Variants in NEDD1 observed in about 807,000 individuals in gnomAD.
NEDD1 encodes NEDD1 gamma-tubulin ring complex targeting factor, also known as protein NEDD1.
NEDD1 carries 33 observed loss-of-function variants against 74.0 expected under a neutral mutation model. The ratio of observed to expected loss-of-function variants is 0.45; its 90% confidence interval spans 0.34 to 0.60. The LOEUF (loss-of-function observed/expected upper bound fraction) is 0.60. Among genes scored for constraint, NEDD1 ranks in the 20% least tolerant of loss-of-function variants. The pLI, the probability that NEDD1 is intolerant of heterozygous loss-of-function variation, is 0.01. For missense variants in NEDD1, 746 were observed against 776.5 expected, an observed-to-expected ratio of 0.96 and a Z score of 0.47; for synonymous variants, 250 against 264.4, an observed-to-expected ratio of 0.95 and a Z score of 0.53.
intron 14 of NEDD1, among the ~76,000 whole-genome samples, chr12:96,946,500 A>T: frequency 6.6e-6 from 1 of 152,188 alleles, no homozygotes; most frequent in East Asian, 1.9e-4. Context: ...TGTTGGAGAA[A>T]ATGTGCAGTT....
chr12:96,937,426 GT>G, intron 9 of NEDD1, 33 bp downstream of exon 9: 2 of 1,282,530 alleles, frequency 1.6e-6, no homozygotes, highest in Non-Finnish European at 2.1e-6. Flanking sequence ...TGGAGGGTTG[GT>G]TTGTTTTTTT....
chr12:96,916,412 C>G (rs11108737), intron 4 of NEDD1, among the ~76,000 whole-genome samples: 2 of 105,064 alleles, frequency 1.9e-5, no homozygotes, highest in East Asian at 3.2e-4. Context: ...CCCCTCCCCC[C>G]TCCCCACCAC....
Position 96,907,772 on chromosome 12 carries a change from T to C in NEDD1, c.-93T>C. 6.6e-7 allele frequency: 1 copy of C among 1,522,542 alleles called. No homozygotes were observed. The allele number at this position is 1,522,542 out of a possible 1,614,324, so 94.3% of individuals were successfully genotyped here. ...CCCAGGCCGACGTTACCGCCTTGTG[T>C]CCTGACTGCTAGCTTTCGACGGGAC... On this transcript the variant is annotated 5_prime_UTR_variant, in exon 2 of 16. Coordinates refer to ENST00000266742, the MANE Select transcript of NEDD1 (RefSeq NM_152905.4).
At chr12:96,932,459 A>ATATATATAT (rs1471701288) in intron 6 of NEDD1, among the ~76,000 whole-genome samples, 8 of 12,066 alleles carry the variant, frequency 6.6e-4, no homozygotes, top group East Asian at 4.8e-3. Context: ...AAAAAAAAAA[A>ATATATATAT]AAAAATATAT....
At chr12:96,934,721 A>G (rs185000933) in intron 6 of NEDD1, among the ~76,000 whole-genome samples, 3 of 152,074 alleles carry the variant, frequency 2.0e-5, no homozygotes, top group Admixed American at 2.0e-4. Context: ...TATTTTTAAT[A>G]AAGATGGGGT....
In NEDD1 at chr12:96,943,615, A is replaced by G. The variant is rs939688831; in HGVS notation, c.1350A>G (p.Val450=). ...NSVFPPRKNP[V]TSSTSVLHSS... Reference sequence around the variant, plus strand: ...TGTTTCCTCCAAGAAAAAATCCAGTAACTTCAAGTACTTCAGTATTGCATT... The same window carrying G: ...TGTTTCCTCCAAGAAAAAATCCAGTGACTTCAAGTACTTCAGTATTGCATT... The change falls in exon 12 of 16, where the codon GTA becomes GTG. Residue 450 remains valine (V), a synonymous_variant. Coordinates refer to ENST00000266742, the MANE Select transcript of NEDD1 (RefSeq NM_152905.4). 42 of 1,613,044 alleles carry G rather than the reference A, an allele frequency of 2.6e-5. No individual in the cohort carries two copies. Among genetic ancestry groups the G allele is most frequent in the Non-Finnish European group, 3.6e-5 (42 of 1,179,232 alleles).
chr12:96,927,396 A>G (rs1042278015), intron 6 of NEDD1, among the ~76,000 whole-genome samples: 6 of 152,200 alleles, frequency 3.9e-5, no homozygotes, highest in African/African-American at 1.2e-4. Context: ...GTGTCTTTCT[A>G]CAGGGGAAAA....
intron 6 of NEDD1, among the ~76,000 whole-genome samples, chr12:96,922,460 A>G (rs563909409): frequency 2.0e-5 from 3 of 152,174 alleles, no homozygotes; most frequent in South Asian, 2.1e-4. Flanking sequence ...TGACTTTTCA[A>G]TACCATAAAA....
chr12:96,915,072 C>G (rs1288909150), intron 4 of NEDD1, among the ~76,000 whole-genome samples: 1 of 152,180 alleles, frequency 6.6e-6, no homozygotes, highest in Non-Finnish European at 1.5e-5. Flanking sequence ...GCTTCTTAGT[C>G]TCCCTCAACT....
At chr12:96,937,126 A>T (rs1877191972) in intron 8 of NEDD1, 72 bp from the exon 9 acceptor site, 3 of 825,572 alleles carry the variant, frequency 3.6e-6, no homozygotes, top group Admixed American at 3.4e-5. Flanking sequence ...TCTAACAGGG[A>T]ATTTATAAAA....
chr12:96,950,748 G>C (rs913886486), intron 14 of NEDD1, among the ~76,000 whole-genome samples: 51 of 151,992 alleles, frequency 3.4e-4, no homozygotes, highest in African/African-American at 1.2e-3. Context: ...TTTCCCAAGA[G>C]TTAAGTGATA....
At chr12:96,926,512 G>T (rs1019371916) in intron 6 of NEDD1, among the ~76,000 whole-genome samples, 22 of 149,220 alleles carry the variant, frequency 1.5e-4, no homozygotes, top group African/African-American at 5.4e-4. Flanking sequence ...ACATACTTAT[G>T]TTTTCCTTTT....
In NEDD1 at chr12:96,953,219, A is replaced by C. The variant is rs1158014400; in HGVS notation, c.*1166A>C. 1 of 151,298 alleles carries C rather than the reference A, an allele frequency of 6.6e-6. No individual in the cohort carries two copies. The highest frequency in any genetic ancestry group is 1.5e-5 in the Non-Finnish European group (1 of 67,576). 9.4% of individuals were successfully genotyped at this position (151,298 alleles called of 1,614,324 possible). A position where few individuals can be genotyped will look rare whatever the true frequency, so the allele number is the denominator to read the frequency against. ...AGTATTTACTAAAATTAAAAAAAAA[A>C]AAACAAAAAACAAACCTTTAGCTCA... On this transcript the variant is annotated 3_prime_UTR_variant, in exon 16 of 16. Coordinates refer to ENST00000266742, the MANE Select transcript of NEDD1 (RefSeq NM_152905.4).
chr12:96,924,763 T>C (rs985531186), intron 6 of NEDD1: 24 of 423,890 alleles, frequency 5.7e-5, no homozygotes, highest in African/African-American at 3.5e-4. Flanking sequence ...CATCTGTGAA[T>C]GATAAGTTTT....
At chr12:96,929,602 T>C (rs867882585) in intron 6 of NEDD1, among the ~76,000 whole-genome samples, 113 of 54,424 alleles carry the variant, frequency 2.1e-3, no homozygotes, top group Admixed American at 5.9e-3. Flanking sequence ...CACACACACA[T>C]ATGTGTATAT....
At chr12:96,929,653 G>T (rs1472267440) in intron 6 of NEDD1, among the ~76,000 whole-genome samples, 1 of 144,156 alleles carries the variant, frequency 6.9e-6, no homozygotes, top group Admixed American at 7.1e-5. Context: ...TTGCTTTCTG[G>T]GGTTCCCTGA....
chr12:96,925,210 A>G (rs1875563591), intron 6 of NEDD1, among the ~76,000 whole-genome samples: 1 of 152,196 alleles, frequency 6.6e-6, no homozygotes, highest in South Asian at 2.1e-4. Context: ...AAAGGAAATG[A>G]TGTCTCAGTG....
At chr12:96,932,463 A>AAAAATATATATAT in intron 6 of NEDD1, among the ~76,000 whole-genome samples, 1 of 9,442 alleles carries the variant, frequency 1.1e-4, no homozygotes, top group Admixed American at 2.4e-3. Flanking sequence ...AAAAAAAAAA[A>AAAAATATATATAT]ATATATATAT....
chr12:96,909,983 G>T, intron 3 of NEDD1, 88 bp downstream of exon 3: 1 of 1,403,112 alleles, frequency 7.1e-7, no homozygotes, highest in Non-Finnish European at 9.6e-7. Flanking sequence ...TTTTGCATGT[G>T]CCTCATACTG....
Sources: gnomAD v4.1 joint callset for allele counts (sites outside exome capture counted in the v4.1 genomes callset) on GRCh38, gnomAD v4.1.1 for gene constraint, MANE v1.5 for transcripts, NCBI Gene and HGNC (gene_info 2026-07-23, HGNC 2026-07-21) for gene names.